Variants in MACROD2 observed in about 807,000 individuals in gnomAD.
The protein encoded by MACROD2 is mono-ADP ribosylhydrolase 2.
In MACROD2, 36 loss-of-function variants were observed where a neutral mutation model predicts 70.4. The observed-to-expected ratio is 0.51, with a 90% CI of 0.39 to 0.68. The LOEUF (loss-of-function observed/expected upper bound fraction) is 0.68, where lower values mean the gene tolerates loss of function less well. Ranked by LOEUF, MACROD2 falls within the 30% of genes least tolerant of loss-of-function variation. The pLI is 0.00. For missense variants in MACROD2, 496 were observed against 538.4 expected (o/e 0.92, Z 0.78); for synonymous variants, 172 against 178.8 (o/e 0.96, Z 0.30).
At chr20:15,694,844 G>T (rs1396334595) in intron 8 of MACROD2, among the ~76,000 whole-genome samples, 1 of 152,150 alleles carries the variant, frequency 6.6e-6, no homozygotes, top group Non-Finnish European at 1.5e-5. Context: ...AATTTTTATA[G>T]TTTCAGGTCT....
rs556244617 is a variant in MACROD2 at position 14,146,354 on chromosome 20, A to T, written c.271+60626A>T. On this transcript the variant is annotated intron_variant, in intron 3 of 17. Coordinates refer to ENST00000684519, the MANE Select transcript of MACROD2 (RefSeq NM_001351661.2). The stretch of plus-strand genomic sequence containing the variant: ...AAAACAAAAAACAAAGATTTCTGTC[A>T]GTATCGGGTTGCTCTGCGATTTAGT... Among the ~76,000 whole-genome samples the T allele has an allele frequency of 3.3e-5, 5 of 152,192 alleles. No homozygotes were observed. The South Asian group carries it at 1.0e-3, about 32-fold the overall frequency.
chr20:15,448,054 G>A (rs2046593271), intron 7 of MACROD2, among the ~76,000 whole-genome samples: 1 of 152,058 alleles, frequency 6.6e-6, no homozygotes, highest in South Asian at 2.1e-4. Flanking sequence ...TACAGGCTAT[G>A]GAATTCACCA....
In MACROD2 at chr20:14,575,263, A is replaced by C. The variant is rs559743940; in HGVS notation, c.301+81755A>C. Among the ~76,000 whole-genome samples the C allele has an allele frequency of 9.9e-5, 15 of 152,276 alleles. No individual in the cohort carries two copies. The East Asian group carries it at 2.9e-3, about 29-fold the overall frequency. Reference sequence around the variant, plus strand: ...AATGAAAAATAACTGTGTTTTCCCAATGAAAAAATTTAGTACAAAGGGTGG... The same window carrying C: ...AATGAAAAATAACTGTGTTTTCCCACTGAAAAAATTTAGTACAAAGGGTGG... On this transcript the variant is annotated intron_variant, in intron 4 of 17. Transcript: ENST00000684519.
At chr20:15,487,880 A>T (rs772292048) in intron 7 of MACROD2, among the ~76,000 whole-genome samples, 4 of 152,096 alleles carry the variant, frequency 2.6e-5, no homozygotes, top group African/African-American at 4.8e-5. Context: ...TTTCTTCTAC[A>T]CTAAGATAAT....
At position 15,667,499 on chromosome 20, in the gene MACROD2, G is replaced by GTATCTATCTATCTATC. The variant is rs76898460; in HGVS notation, c.645+167664_645+167679dup. Among the ~76,000 whole-genome samples the GTATCTATCTATCTATC allele has an allele frequency of 2.6e-3, 397 of 150,364 alleles. 2 individuals carry two copies. The highest frequency in any genetic ancestry group is 0.01 in the South Asian group (48 of 4,756). ...TCTATGTATCTATGTATCTATCTATGTATCTATCTATCTATCTATCTATCT... is the reference window on the plus strand; with the variant it reads ...TCTATGTATCTATGTATCTATCTATGTATCTATCTATCTATCTATCTATCTATCTATCTATCTATCT... On this transcript the variant is annotated intron_variant, in intron 8 of 17. Transcript: ENST00000684519.
chr20:14,045,165 C>T (rs548097914), intron 2 of MACROD2, among the ~76,000 whole-genome samples: 117 of 152,350 alleles, frequency 7.7e-4, no homozygotes, highest in Middle Eastern at 6.8e-3. Flanking sequence ...TGCGCCTCTC[C>T]CTCCACACCT....
At chr20:15,580,433 A>G (rs985330737) in intron 8 of MACROD2, among the ~76,000 whole-genome samples, 1 of 152,040 alleles carries the variant, frequency 6.6e-6, no homozygotes, top group African/African-American at 2.4e-5. Context: ...CTGTGGCCTC[A>G]TTTACTGCAA....
At chr20:14,237,502 T>A (rs2081887414) in intron 3 of MACROD2, among the ~76,000 whole-genome samples, 1 of 151,638 alleles carries the variant, frequency 6.6e-6, no homozygotes, top group African/African-American at 2.4e-5. Flanking sequence ...TCTCTTTAGC[T>A]AAGTCTAATT....
intron 5 of MACROD2, among the ~76,000 whole-genome samples, chr20:14,961,613 G>C (rs1207688015): frequency 6.6e-6 from 1 of 151,660 alleles, no homozygotes; most frequent in African/African-American, 2.4e-5. Context: ...CTGCAGCCTA[G>C]ACCTCCTGGG....
At chr20:16,026,248 A>C (rs1250283201) in intron 15 of MACROD2, among the ~76,000 whole-genome samples, 2 of 152,224 alleles carry the variant, frequency 1.3e-5, no homozygotes, top group Non-Finnish European at 2.9e-5. Context: ...AAGGGGAATG[A>C]GGTCCATGCT....
intron 8 of MACROD2, among the ~76,000 whole-genome samples, chr20:15,706,346 G>A (rs749782744): frequency 6.6e-6 from 1 of 152,132 alleles, no homozygotes; most frequent in African/African-American, 2.4e-5. Flanking sequence ...TGAAGTAGAC[G>A]GCACATAAGA....
chr20:14,843,163 C>CTTTTTTTT (rs11389584), intron 5 of MACROD2, among the ~76,000 whole-genome samples: 2 of 119,266 alleles, frequency 1.7e-5, no homozygotes, highest in African/African-American at 3.2e-5. Context: ...TGTTCATTAA[C>CTTTTTTTT]TTTTTTTTTT....
chr20:15,623,717 T>TATCTATCG (rs1555850057), intron 8 of MACROD2, among the ~76,000 whole-genome samples: 1 of 150,482 alleles, frequency 6.6e-6, no homozygotes, highest in African/African-American at 2.4e-5. Context: ...TCTATCTATC[T>TATCTATCG]ATCGATGTGT....
At chr20:15,280,377 CTT>C (rs1201857665) in intron 6 of MACROD2, among the ~76,000 whole-genome samples, 1 of 152,060 alleles carries the variant, frequency 6.6e-6, no homozygotes, top group East Asian at 1.9e-4. Context: ...GACTAAATAT[CTT>C]ATATTCATTC....
chr20:14,886,180 C>T (rs900489083), intron 5 of MACROD2, among the ~76,000 whole-genome samples: 1 of 152,122 alleles, frequency 6.6e-6, no homozygotes. Context: ...GTCATAAAGT[C>T]AAGGCTTGAT....
chr20:14,955,029 T>TATATACAATTTATATTTTA (rs375012731), intron 5 of MACROD2, among the ~76,000 whole-genome samples: 15 of 62,394 alleles, frequency 2.4e-4, no homozygotes, highest in African/African-American at 1.2e-3. Flanking sequence ...TATTATATAT[T>TATATACAATTTATATTTTA]TATATTATAT....
chr20:14,313,258 G>A (rs1185395972), intron 3 of MACROD2, among the ~76,000 whole-genome samples: 1 of 152,092 alleles, frequency 6.6e-6, no homozygotes. Flanking sequence ...GTGAATACTT[G>A]CGTATTTTGT....
intron 3 of MACROD2, among the ~76,000 whole-genome samples, chr20:14,397,263 G>A (rs1393583308): frequency 4.6e-5 from 7 of 152,010 alleles, no homozygotes; most frequent in Admixed American, 3.9e-4. Context: ...AAAGTGCTGG[G>A]ATTACAGGCA....
intron 5 of MACROD2, among the ~76,000 whole-genome samples, chr20:14,803,599 G>C (rs1372526511): frequency 4.6e-5 from 7 of 151,952 alleles, no homozygotes; most frequent in Admixed American, 4.6e-4. Flanking sequence ...TCCAGCCTCA[G>C]CCTCCCGAGT....
Sources: allele counts gnomAD v4.1 joint callset (sites outside exome capture counted in the v4.1 genomes callset), GRCh38; gene constraint gnomAD v4.1.1; transcripts MANE v1.5; gene names NCBI Gene and HGNC (gene_info 2026-07-23, HGNC 2026-07-21).